Variants in ATP2A2 observed in about 807,000 individuals in gnomAD.
The protein encoded by ATP2A2 is ATPase sarcoplasmic/endoplasmic reticulum Ca2+ transporting 2.
Under a neutral mutation model 109.3 loss-of-function variants are expected in ATP2A2, and 14 were observed. The ratio of observed to expected loss-of-function variants is 0.13; its 90% CI spans 0.08 to 0.20. The LOEUF (loss-of-function observed/expected upper bound fraction) is 0.20. Among genes scored for constraint, ATP2A2 ranks in the 10% least tolerant of loss-of-function variants. The pLI is 1.00. For missense variants in ATP2A2, 657 were observed against 1,321.6 expected (o/e 0.50, Z 7.80); for synonymous variants, 506 against 490.9 (o/e 1.03, Z -0.41).
At chr12:110,284,265 G>A (rs949305148) in intron 3 of ATP2A2, among the ~76,000 whole-genome samples, 1 of 152,146 alleles carries the variant, frequency 6.6e-6, no homozygotes, top group Admixed American at 6.5e-5. Context: ...ACATTGTCAT[G>A]GGGCAAAATA....
intron 5 of ATP2A2, among the ~76,000 whole-genome samples, chr12:110,320,213 T>C (rs916752666): frequency 2.0e-5 from 3 of 152,214 alleles, no homozygotes; most frequent in African/African-American, 7.2e-5. Flanking sequence ...AATTTAAATA[T>C]TAGATTTGTT....
At chr12:110,322,803 A>C (rs1877379157) in intron 5 of ATP2A2, among the ~76,000 whole-genome samples, 189 bp from the exon 6 acceptor site, 1 of 152,198 alleles carries the variant, frequency 6.6e-6, no homozygotes, top group South Asian at 2.1e-4. Flanking sequence ...CAAATCTTGA[A>C]TCCATCTAAA....
intron 5 of ATP2A2, among the ~76,000 whole-genome samples, chr12:110,318,112 C>G (rs1195644881): frequency 6.6e-6 from 1 of 152,170 alleles, no homozygotes; most frequent in Non-Finnish European, 1.5e-5. Flanking sequence ...ATGTGATCAT[C>G]GGAACAGCCT....
chr12:110,307,519 C>T (rs1002494691), intron 5 of ATP2A2, among the ~76,000 whole-genome samples: 15 of 152,120 alleles, frequency 9.9e-5, no homozygotes, highest in African/African-American at 3.6e-4. Context: ...CAAGCGTGAG[C>T]CACCGTGCCC....
intron 3 of ATP2A2, among the ~76,000 whole-genome samples, chr12:110,290,633 C>T (rs773050968): frequency 2.0e-5 from 3 of 152,178 alleles, no homozygotes; most frequent in South Asian, 2.1e-4. Flanking sequence ...GAGACTGAGT[C>T]TTGCTCTAAC....
At chr12:110,307,838 A>G (rs1875547450) in intron 5 of ATP2A2, among the ~76,000 whole-genome samples, 2 of 151,662 alleles carry the variant, frequency 1.3e-5, no homozygotes, top group Admixed American at 6.6e-5. Flanking sequence ...CTGTGCAGAA[A>G]CTCTTTCGTT....
intron 3 of ATP2A2, among the ~76,000 whole-genome samples, chr12:110,284,114 A>C (rs1384400106): frequency 6.6e-6 from 1 of 152,196 alleles, no homozygotes; most frequent in Non-Finnish European, 1.5e-5. Flanking sequence ...ATAGCAAACC[A>C]TTCAGCATTC....
rs1043686690 is a variant in ATP2A2, at chr12:110,347,740, A to C, written c.*1270A>C. ...CACCAACAGTGTGTAAGTCATTAAC[A>C]GTCCTAACTGTGGTGTTTTCCTCCA... On this transcript the variant is annotated 3_prime_UTR_variant, in exon 20 of 20. Transcript: ENST00000539276. 8.9e-7 allele frequency: 1 copy of C among 1,126,818 alleles called. No individual in the cohort carries two copies. Among genetic ancestry groups the C allele is most frequent in the Non-Finnish European group, 1.1e-6 (1 of 910,106 alleles). The allele number at this position is 1,126,818 out of a possible 1,614,324, so 69.8% of individuals were successfully genotyped here. A position where few individuals can be genotyped will look rare whatever the true frequency, so the allele number is the denominator to read the frequency against.
chr12:110,301,619 T>C (rs979745180), intron 5 of ATP2A2, among the ~76,000 whole-genome samples: 1 of 152,224 alleles, frequency 6.6e-6, no homozygotes, highest in Non-Finnish European at 1.5e-5. Flanking sequence ...GGCTCTGGCT[T>C]CCTTTGTTGT....
At chr12:110,311,001 C>T (rs757311336) in intron 5 of ATP2A2, among the ~76,000 whole-genome samples, 7 of 152,166 alleles carry the variant, frequency 4.6e-5, no homozygotes, top group Non-Finnish European at 5.9e-5. Flanking sequence ...GTACATTAAC[C>T]TCTGCAGAAT....
At position 110,346,960 on chromosome 12, in the gene ATP2A2, C is replaced by CT. The variant is rs1439760592; in HGVS notation, c.*491dup. The CT allele has an allele frequency of 9.1e-7, 1 of 1,097,350 alleles. No homozygotes were observed. The highest frequency in any genetic ancestry group is 1.1e-6 in the Non-Finnish European group (1 of 898,260). The allele number at this position is 1,097,350 out of a possible 1,614,324, so 68.0% of individuals were successfully genotyped here. A position where few individuals can be genotyped will look rare whatever the true frequency, so the allele number is the denominator to read the frequency against. ...TTTTTCTGCACTGAGCAGAGTCTTG[C>CT]TACCTCAGTCAGTATTGTTTTGGTT... On this transcript the variant is annotated 3_prime_UTR_variant, in exon 20 of 20. Coordinates refer to ENST00000539276, the MANE Select transcript of ATP2A2 (RefSeq NM_170665.4).
rs372652244 is a variant in ATP2A2, at chr12:110,346,503, T to TAATC, written c.*37_*40dup. On this transcript the variant is annotated 3_prime_UTR_variant, in exon 20 of 20. Transcript: ENST00000539276. ...TTTTCCATAAAGAAGATGTTTAACT[T>TAATC]AATCAATTAATTTTTTTATTGTTTA... The TAATC allele has an allele frequency of 5.6e-6, 9 of 1,613,514 alleles. No individual in the cohort carries two copies. Among genetic ancestry groups the TAATC allele is most frequent in the South Asian group, 3.3e-5 (3 of 90,980 alleles).
intron 16 of ATP2A2, among the ~76,000 whole-genome samples, chr12:110,344,319 T>C (rs1267988350): frequency 6.6e-6 from 1 of 152,178 alleles, no homozygotes; most frequent in Non-Finnish European, 1.5e-5. Flanking sequence ...GTTGCTTCTT[T>C]GCAATAAACT....
intron 5 of ATP2A2, among the ~76,000 whole-genome samples, chr12:110,316,773 T>C (rs1876709387): frequency 6.6e-6 from 1 of 152,106 alleles, no homozygotes; most frequent in Non-Finnish European, 1.5e-5. Context: ...TTACTATTTA[T>C]GGGAGAAGAA....
intron 14 of ATP2A2, among the ~76,000 whole-genome samples, chr12:110,341,549 G>T (rs779784906): frequency 6.6e-6 from 1 of 152,128 alleles, no homozygotes; most frequent in Admixed American, 6.6e-5. Flanking sequence ...TTTTGTGTCT[G>T]TAGACAGTAT....
intron 3 of ATP2A2, among the ~76,000 whole-genome samples, chr12:110,287,668 G>C (rs566045858): frequency 2.2e-4 from 34 of 152,150 alleles, no homozygotes; most frequent in Non-Finnish European, 4.1e-4. Context: ...AGATTGGAGT[G>C]CAGTGGTGCG....
At chr12:110,316,265 G>A (rs1233390229) in intron 5 of ATP2A2, among the ~76,000 whole-genome samples, 1 of 152,168 alleles carries the variant, frequency 6.6e-6, no homozygotes, top group Non-Finnish European at 1.5e-5. Flanking sequence ...TTCTTTGGCA[G>A]TCTTAATTAC....
At chr12:110,316,772 A>G (rs1156473819) in intron 5 of ATP2A2, among the ~76,000 whole-genome samples, 1 of 152,134 alleles carries the variant, frequency 6.6e-6, no homozygotes, top group East Asian at 1.9e-4. Context: ...CTTACTATTT[A>G]TGGGAGAAGA....
intron 5 of ATP2A2, among the ~76,000 whole-genome samples, chr12:110,301,130 G>T (rs1404171598): frequency 6.6e-6 from 1 of 151,874 alleles, no homozygotes; most frequent in African/African-American, 2.4e-5. Context: ...GCCTCCCAAA[G>T]TTCTGGGATT....
Sources: gnomAD v4.1 joint callset for allele counts (sites outside exome capture counted in the v4.1 genomes callset) on GRCh38, gnomAD v4.1.1 for gene constraint, MANE v1.5 for transcripts, NCBI Gene and HGNC (gene_info 2026-07-23, HGNC 2026-07-21) for gene names.